IARS2: variants seen among roughly 807,000 people sequenced by gnomAD.
IARS2 encodes isoleucyl-tRNA synthetase 2, mitochondrial, also known as isoleucine--tRNA ligase, mitochondrial.
A neutral mutation model predicts 126.3 loss-of-function variants in IARS2; 56 were observed. The observed-to-expected ratio is 0.44, with a 90% CI of 0.36 to 0.55. IARS2 has a LOEUF of 0.55. IARS2 is among the 20% of genes least tolerant of loss of function. The pLI, the probability that IARS2 is intolerant of heterozygous loss-of-function variation, is 0.00. For synonymous variants in IARS2, 407 were observed against 441.1 expected, an observed-to-expected ratio of 0.92 and a Z score of 0.97; for missense variants, 1,127 against 1,245.9, an observed-to-expected ratio of 0.90 and a Z score of 1.44.
intron 8 of IARS2, among the ~76,000 whole-genome samples, chr1:220,105,533 T>C (rs1483853454): frequency 1.3e-5 from 2 of 152,164 alleles, no homozygotes; most frequent in African/African-American, 4.8e-5. Context: ...TGAAGTAATT[T>C]GTATGGGGTA....
chr1:220,113,601 A>G (rs953817340), intron 11 of IARS2, among the ~76,000 whole-genome samples: 11 of 148,930 alleles, frequency 7.4e-5, no homozygotes, highest in African/African-American at 2.6e-4. Context: ...CTTGAGAGGA[A>G]GTAACTGTTA....
At chr1:220,132,352 G>A (rs1657287276) in intron 14 of IARS2, among the ~76,000 whole-genome samples, 1 of 151,930 alleles carries the variant, frequency 6.6e-6, no homozygotes, top group African/African-American at 2.4e-5. Flanking sequence ...TATTCAGTCC[G>A]GTTACTCCTT....
At chr1:220,099,571 T>C (rs932505685) in intron 2 of IARS2, among the ~76,000 whole-genome samples, 4 of 152,160 alleles carry the variant, frequency 2.6e-5, no homozygotes, top group South Asian at 2.1e-4. Flanking sequence ...ATTTGATAAA[T>C]ATTTATAGAC....
chr1:220,123,143 A>G (rs1354417232), intron 12 of IARS2, among the ~76,000 whole-genome samples: 2 of 150,732 alleles, frequency 1.3e-5, no homozygotes, highest in Admixed American at 6.6e-5. Flanking sequence ...ATTATACCAT[A>G]TTCATATTTT....
chr1:220,143,693 A>G (rs1469308671), intron 21 of IARS2, among the ~76,000 whole-genome samples: 2 of 152,114 alleles, frequency 1.3e-5, no homozygotes, highest in Non-Finnish European at 2.9e-5. Flanking sequence ...AAGAGTTTCC[A>G]TTTTTATTTT....
chr1:220,141,384 T>C (rs902250168), intron 19 of IARS2, among the ~76,000 whole-genome samples: 2 of 152,174 alleles, frequency 1.3e-5, no homozygotes, highest in Non-Finnish European at 2.9e-5. Context: ...CCTACCTTCA[T>C]GGTAATGAGT....
intron 15 of IARS2, 52 bp from the exon 16 acceptor site, chr1:220,136,757 A>G: frequency 1.0e-6 from 1 of 972,202 alleles, no homozygotes; most frequent in Non-Finnish European, 1.6e-6. Context: ...TAATCTTCAA[A>G]AAGATAATTA....
intron 14 of IARS2, among the ~76,000 whole-genome samples, chr1:220,130,372 T>A (rs1222740240): frequency 1.3e-5 from 2 of 152,190 alleles, no homozygotes. Flanking sequence ...CTTAATATAG[T>A]TCCATTTGTC....
intron 12 of IARS2, among the ~76,000 whole-genome samples, chr1:220,122,035 G>C (rs1226695042): frequency 6.6e-6 from 1 of 152,124 alleles, no homozygotes; most frequent in East Asian, 1.9e-4. Context: ...GGCTTCAAGT[G>C]AGCTATGATC....
At chr1:220,097,604 C>T (rs1218799873) in intron 2 of IARS2, among the ~76,000 whole-genome samples, 1 of 151,980 alleles carries the variant, frequency 6.6e-6, no homozygotes, top group African/African-American at 2.4e-5. Flanking sequence ...ACCTCGTGAT[C>T]TGCCCGCCTC....
chr1:220,117,024 G>A (rs982430627), intron 12 of IARS2, among the ~76,000 whole-genome samples: 8 of 151,856 alleles, frequency 5.3e-5, no homozygotes, highest in Non-Finnish European at 8.8e-5. Flanking sequence ...GAGATTACAG[G>A]CATGAGCTAC....
intron 11 of IARS2, among the ~76,000 whole-genome samples, 167 bp downstream of exon 11, chr1:220,111,104 A>AT (rs1656791303): frequency 6.6e-6 from 1 of 152,108 alleles, no homozygotes; most frequent in South Asian, 2.1e-4. Flanking sequence ...TTGGACTTCC[A>AT]TTTTTTCATT....
chr1:220,132,525 C>CTTT (rs1368575100), intron 14 of IARS2, among the ~76,000 whole-genome samples: 48 of 128,954 alleles, frequency 3.7e-4, no homozygotes, highest in Non-Finnish European at 5.1e-4. Context: ...CTTTCTCTCT[C>CTTT]TTTTTTTTTT....
chr1:220,136,652 AAAG>A (rs1246506006), intron 15 of IARS2, among the ~76,000 whole-genome samples, 154 bp from the exon 16 acceptor site: 29 of 151,724 alleles, frequency 1.9e-4, no homozygotes, highest in Admixed American at 1.4e-3. Flanking sequence ...AAAAAAAAAA[AAAG>A]AGAAGAAAAG....
chr1:220,141,128 T>A (rs1278988363), intron 19 of IARS2, among the ~76,000 whole-genome samples: 2 of 152,162 alleles, frequency 1.3e-5, no homozygotes, highest in Non-Finnish European at 2.9e-5. Flanking sequence ...AATACTTACC[T>A]CGTGATTGAG....
chr1:220,105,351 G>A (rs1308852513), intron 8 of IARS2, among the ~76,000 whole-genome samples: 2 of 152,146 alleles, frequency 1.3e-5, no homozygotes, highest in African/African-American at 4.8e-5. Context: ...TGAATTTAAA[G>A]ATCTTTTGTC....
chr1:220,103,129 C>T (rs972947683), intron 7 of IARS2, among the ~76,000 whole-genome samples: 2 of 152,018 alleles, frequency 1.3e-5, no homozygotes, highest in Non-Finnish European at 2.9e-5. Flanking sequence ...CAACCTCCAC[C>T]TCCCGGGTTC....
chr1:220,147,435 G>GA, intron 22 of IARS2, 58 bp from the exon 23 acceptor site: 1 of 1,549,532 alleles, frequency 6.5e-7, no homozygotes, highest in South Asian at 1.1e-5. Context: ...AACCAATTAA[G>GA]AAACAGTGTT....
At chr1:220,137,870 T>G (rs1219861212) in intron 16 of IARS2, 48 bp from the exon 17 acceptor site, 14 of 1,607,230 alleles carry the variant, frequency 8.7e-6, no homozygotes, top group African/African-American at 1.3e-5. Flanking sequence ...GTTCGGCTAA[T>G]TGGAATTGAA....
Sources: gnomAD v4.1 joint callset for allele counts (sites outside exome capture counted in the v4.1 genomes callset) on GRCh38, gnomAD v4.1.1 for gene constraint, MANE v1.5 for transcripts, NCBI Gene and HGNC (gene_info 2026-07-23, HGNC 2026-07-21) for gene names.